Variants in ZMYM1 observed in about 807,000 individuals in gnomAD.
The protein encoded by ZMYM1 is zinc finger MYM-type containing 1.
A neutral mutation model predicts 60.0 loss-of-function variants in ZMYM1; 39 were observed. The observed-to-expected ratio is 0.65, with a 90% confidence interval of 0.50 to 0.85. ZMYM1 has a LOEUF of 0.85. Among genes scored for constraint, ZMYM1 ranks in the 40% least tolerant of loss-of-function variants. ZMYM1 has a pLI of 0.00. For missense variants in ZMYM1, 1,171 were observed against 1,309.5 expected (o/e 0.89, Z 1.63); for synonymous variants, 413 against 454.0 (o/e 0.91, Z 1.15).
chr1:35,097,377 T>G lies in ZMYM1; in HGVS notation c.230T>G (p.Leu77Arg), dbSNP rs1557672786. Residue 77 changes from leucine (L) to arginine (R), a missense_variant, in exon 4 of 10, where the codon CTT becomes CGT. Physicochemically the swap from Leu to Arg is moderately radical, Grantham distance 102. Transcript: ENST00000359858. ...GCATCATCTGGCGTGAATAAAATGCTTCCTTCAGTTTCAACCACAGCTATT... is the reference window on the plus strand; with the variant it reads ...GCATCATCTGGCGTGAATAAAATGCGTCCTTCAGTTTCAACCACAGCTATT... ...SLASSGVNKM[L>R]PSVSTTAIQV... is the part of the protein sequence containing the mutation. 1.2e-6 allele frequency: 2 copies of G among 1,614,108 alleles called. No homozygotes were observed. Among genetic ancestry groups the G allele is most frequent in the Non-Finnish European group, 1.7e-6 (2 of 1,180,004 alleles).
At position 35,093,930 on chromosome 1, in the gene ZMYM1, C is replaced by T; in HGVS notation, c.-58C>T. The stretch of plus-strand genomic sequence containing the variant: ...TTATTTTAGGAATCTGGAAACTGTT[C>T]TTCAGGAAGAAACCCATTAGTTTGG... On this transcript the variant is annotated 5_prime_UTR_variant, in exon 2 of 10. Transcript: ENST00000359858. 10 of 1,234,354 alleles carry T rather than the reference C, an allele frequency of 8.1e-6. No homozygotes were observed. Among genetic ancestry groups the T allele is most frequent in the South Asian group, 2.9e-5 (2 of 69,012 alleles). 76.5% of individuals were successfully genotyped at this position (1,234,354 alleles called of 1,614,324 possible). A position where few individuals can be genotyped will look rare whatever the true frequency, so the allele number is the denominator to read the frequency against.
chr1:35,065,290 C>T (rs1217896086), intron 1 of ZMYM1, among the ~76,000 whole-genome samples: 1 of 138,256 alleles, frequency 7.2e-6, no homozygotes, highest in Non-Finnish European at 1.5e-5. Context: ...CGGCTTTCGG[C>T]ACCAAAAAAA....
intron 7 of ZMYM1, among the ~76,000 whole-genome samples, chr1:35,110,889 G>A (rs769657034): frequency 1.6e-4 from 24 of 152,022 alleles, no homozygotes; most frequent in Non-Finnish European, 3.5e-4. Flanking sequence ...AGCCGAGATC[G>A]CACCATTGCA....
At chr1:35,096,229 T>C (rs1336297524) in intron 3 of ZMYM1, among the ~76,000 whole-genome samples, 1 of 151,676 alleles carries the variant, frequency 6.6e-6, no homozygotes, top group Non-Finnish European at 1.5e-5. Context: ...GGAGATTTGC[T>C]TGAACCTGGG....
At chr1:35,116,489 C>T (rs1356751407), downstream of ZMYM1, among the ~76,000 whole-genome samples, 3 of 152,150 alleles carry the variant, frequency 2.0e-5, no homozygotes, top group Non-Finnish European at 4.4e-5. Flanking sequence ...TGGAGTTTTG[C>T]TCTTGTTGCC....
Position 35,063,854 on chromosome 1 carries a change from C to T in ZMYM1, c.-301+3929C>T, listed in dbSNP as rs550961268. Among the ~76,000 whole-genome samples the T allele has an allele frequency of 2.6e-5, 4 of 152,296 alleles. No individual in the cohort carries two copies. The South Asian group carries it at 8.3e-4, about 32-fold the overall frequency. On this transcript the variant is annotated intron_variant, in intron 1 of 10. Transcript: ENST00000417119. ...AGAAATATAGGAAGGATCTGTCCGT[C>T]TTTACTTCCACTGTGAGAGGTGGCA...
chr1:35,101,399 C>T (rs1445207717), intron 4 of ZMYM1, among the ~76,000 whole-genome samples: 1 of 148,806 alleles, frequency 6.7e-6, no homozygotes, highest in African/African-American at 2.5e-5. Context: ...CCGTGCCTGG[C>T]CAACATTCAT....
At chr1:35,089,708 A>C (rs1569906297) in intron 1 of ZMYM1, among the ~76,000 whole-genome samples, 1 of 136,740 alleles carries the variant, frequency 7.3e-6, no homozygotes, top group Admixed American at 7.5e-5. Context: ...GTTAGTTATC[A>C]TCTGCCCTCC....
intron 4 of ZMYM1, among the ~76,000 whole-genome samples, chr1:35,102,916 A>G (rs1326899274): frequency 6.6e-6 from 1 of 152,206 alleles, no homozygotes; most frequent in Non-Finnish European, 1.5e-5. Context: ...TGAAGTTTAA[A>G]TAATTTAAAA....
At chr1:35,097,619 A>G (rs778488470) in intron 4 of ZMYM1, 53 bp downstream of exon 4, 8 of 1,590,482 alleles carry the variant, frequency 5.0e-6, no homozygotes, top group Admixed American at 1.7e-5. Flanking sequence ...GTTCTTGATC[A>G]TAGTCTTAGT....
intron 1 of ZMYM1, among the ~76,000 whole-genome samples, chr1:35,083,910 G>A (rs1425632399): frequency 6.6e-6 from 1 of 152,176 alleles, no homozygotes; most frequent in Non-Finnish European, 1.5e-5. Flanking sequence ...GAGCCACCTT[G>A]CCTGGTATTT....
At chr1:35,111,995 T>G in intron 8 of ZMYM1, 83 bp downstream of exon 8, 18 of 1,551,754 alleles carry the variant, frequency 1.2e-5, no homozygotes, top group Admixed American at 2.0e-5. Context: ...ATTTTCTTTT[T>G]GTTTCTTATA....
chr1:35,066,656 G>A (rs1361520154), intron 1 of ZMYM1, among the ~76,000 whole-genome samples: 1 of 152,188 alleles, frequency 6.6e-6, no homozygotes, highest in African/African-American at 2.4e-5. Flanking sequence ...GTTCGTGATT[G>A]AAAGACTTAA....
rs757902907 is a variant in ZMYM1 at position 35,113,267 on chromosome 1, A to T, written c.1437A>T (p.Ser479=). 6.2e-7 allele frequency: 1 copy of T among 1,612,878 alleles called. No individual in the cohort carries two copies. Among genetic ancestry groups the T allele is most frequent in the Admixed American group, 1.7e-5 (1 of 60,018 alleles). Residue 479 remains serine, a synonymous_variant, in exon 10 of 10, where the codon TCA becomes TCT. Transcript: ENST00000359858. ...NSKKDVAFCY[S]CQLFCQKYFS... ...AAAAAGATGTGGCATTCTGTTATTC[A>T]TGCCAGTTGTTCTGCCAAAAATATT...
chr1:35,106,194 C>A (rs1197877590), intron 6 of ZMYM1, among the ~76,000 whole-genome samples: 1 of 152,112 alleles, frequency 6.6e-6, no homozygotes, highest in Non-Finnish European at 1.5e-5. Context: ...TAGACAAGCT[C>A]TGGGTGGGTG....
rs1643277168 is a variant in ZMYM1, at chr1:35,095,739, A to G, written c.97-80A>G. Reference sequence around the variant, plus strand: ...CATTGACCAGACTTGACCACAATTTATCATTTTCTGTTGAATGACTGGTTG... The same window carrying G: ...CATTGACCAGACTTGACCACAATTTGTCATTTTCTGTTGAATGACTGGTTG... On this transcript the variant is annotated intron_variant, in intron 2 of 9. Transcript: ENST00000359858. 1.7e-5 allele frequency: 21 copies of G among 1,219,096 alleles called. No homozygotes were observed. In the South Asian group the frequency reaches 2.6e-4, roughly 15 times the overall value. 75.5% of individuals were successfully genotyped at this position (1,219,096 alleles called of 1,614,324 possible).
intron 4 of ZMYM1, 139 bp downstream of exon 4, chr1:35,097,705 CA>C: frequency 9.8e-7 from 1 of 1,025,398 alleles, no homozygotes; most frequent in Non-Finnish European, 1.4e-6. Context: ...AGTGCAGTGG[CA>C]CGATCTCGGC....
chr1:35,091,415 G>T (rs143933652), intron 1 of ZMYM1, among the ~76,000 whole-genome samples: 1,895 of 152,000 alleles, frequency 0.012, 27 homozygotes, highest in Non-Finnish European at 0.017. Context: ...GGGTTTCACC[G>T]TGTTAGCCAG....
intron 1 of ZMYM1, among the ~76,000 whole-genome samples, chr1:35,072,489 C>T (rs1642084497): frequency 1.4e-5 from 2 of 146,554 alleles, no homozygotes; most frequent in South Asian, 2.2e-4. Flanking sequence ...ATTTTTTTTT[C>T]AGAAAACCAA....
Sources: allele counts gnomAD v4.1 joint callset (sites outside exome capture counted in the v4.1 genomes callset), GRCh38; gene constraint gnomAD v4.1.1; transcripts MANE v1.5; gene names NCBI Gene and HGNC (gene_info 2026-07-23, HGNC 2026-07-21).